Variants in SLC10A7 observed in about 807,000 individuals in gnomAD.
SLC10A7 encodes sodium/bile acid cotransporter 7.
Under a neutral mutation model 43.2 loss-of-function variants are expected in SLC10A7, and 29 were observed. That is an observed-to-expected ratio of 0.67 (90% confidence interval 0.50 to 0.92). The LOEUF (loss-of-function observed/expected upper bound fraction) is 0.92. Among genes scored for constraint, SLC10A7 ranks in the 40% least tolerant of loss-of-function variants. The pLI is 0.00. For synonymous variants in SLC10A7, 152 were observed against 144.8 expected (o/e 1.05, Z -0.35); for missense variants, 295 against 403.2 (o/e 0.73, Z 2.30).
Position 146,256,478 on chromosome 4 carries a change from T to C in SLC10A7, c.*13A>G. On this transcript the variant is annotated 3_prime_UTR_variant, in exon 12 of 12. Transcript: ENST00000335472. ...TACATATATACATTGCTACAGAAAGTCCACCTCCTTTGTTATACTGTCGGC... is the reference window on the plus strand; with the variant it reads ...TACATATATACATTGCTACAGAAAGCCCACCTCCTTTGTTATACTGTCGGC... The C allele has an allele frequency of 6.2e-7, 1 of 1,613,884 alleles. No individual in the cohort carries two copies. Among genetic ancestry groups the C allele is most frequent in the Non-Finnish European group, 8.5e-7 (1 of 1,179,754 alleles).
chr4:146,258,254 CT>C (rs5862756), intron 11 of SLC10A7, among the ~76,000 whole-genome samples: 3,322 of 152,128 alleles, frequency 0.022, 111 homozygotes, highest in African/African-American at 0.076. Flanking sequence ...TATTATATAT[CT>C]GGAAAATTAA....
At chr4:146,486,849 G>T (rs1346332537) in intron 4 of SLC10A7, among the ~76,000 whole-genome samples, 2 of 152,190 alleles carry the variant, frequency 1.3e-5, no homozygotes, top group East Asian at 1.9e-4. Context: ...GGACACACAG[G>T]CTTGGCCTGT....
At chr4:146,453,914 C>A (rs1730248803) in intron 4 of SLC10A7, among the ~76,000 whole-genome samples, 1 of 151,854 alleles carries the variant, frequency 6.6e-6, no homozygotes, top group Admixed American at 6.6e-5. Flanking sequence ...AGAGGAAGGG[C>A]AAAATCAATT....
intron 5 of SLC10A7, among the ~76,000 whole-genome samples, chr4:146,327,961 G>A (rs949544393): frequency 6.6e-6 from 1 of 152,170 alleles, no homozygotes; most frequent in African/African-American, 2.4e-5. Context: ...GCAGACCAGA[G>A]GTCAGGCCAG....
At position 146,269,909 on chromosome 4, in the gene SLC10A7, C is replaced by T. The variant is rs570520282; in HGVS notation, c.848-11072G>A. Among the ~76,000 whole-genome samples the T allele has an allele frequency of 5.3e-5, 8 of 152,310 alleles. No homozygotes were observed. The South Asian group carries it at 1.2e-3, about 24-fold the overall frequency. Reference sequence around the variant, plus strand: ...GTGAGTAGGCTGTGACCCAAATGCACATTAACGATTTTTAATATACATTTT... The same window carrying T: ...GTGAGTAGGCTGTGACCCAAATGCATATTAACGATTTTTAATATACATTTT... On this transcript the variant is annotated intron_variant, in intron 10 of 11. Transcript: ENST00000335472.
chr4:146,418,602 T>C (rs1446922393), intron 5 of SLC10A7, among the ~76,000 whole-genome samples: 1 of 152,176 alleles, frequency 6.6e-6, no homozygotes, highest in Non-Finnish European at 1.5e-5. Flanking sequence ...TTTAATTTAA[T>C]TTACCTGTGA....
intron 5 of SLC10A7, among the ~76,000 whole-genome samples, chr4:146,424,675 A>C (rs548114254): frequency 1.4e-4 from 22 of 152,008 alleles, no homozygotes; most frequent in Non-Finnish European, 2.5e-4. Context: ...AAAACAAAAA[A>C]AAAACAAAAA....
Position 146,442,313 on chromosome 4 carries a change from TCA to T in SLC10A7, c.435+468_435+469del, listed in dbSNP as rs370229971. ...TCATATCTTCCTTTCAAATTTTTTT[TCA>T]CATAGATTTCTCAGAAGCATCCAAG... On this transcript the variant is annotated intron_variant, in intron 5 of 11. Coordinates refer to ENST00000335472, the MANE Select transcript of SLC10A7 (RefSeq NM_001029998.6). 3.8e-5 allele frequency: 37 copies of T among 986,130 alleles called. No homozygotes were observed. In the African/African-American group the frequency reaches 6.1e-4, roughly 16 times the overall value. The allele number at this position is 986,130 out of a possible 1,614,324, so 61.1% of individuals were successfully genotyped here.
intron 4 of SLC10A7, among the ~76,000 whole-genome samples, chr4:146,484,664 G>A (rs973905960): frequency 3.9e-5 from 6 of 152,088 alleles, no homozygotes; most frequent in African/African-American, 7.2e-5. Context: ...TAATAAAATT[G>A]TGCCAGATAT....
intron 4 of SLC10A7, among the ~76,000 whole-genome samples, chr4:146,443,489 A>G (rs1412170156): frequency 6.6e-6 from 1 of 152,244 alleles, no homozygotes; most frequent in African/African-American, 2.4e-5. Context: ...TTGAATCACT[A>G]TATTCAATGA....
chr4:146,419,952 G>A (rs190443243), intron 5 of SLC10A7, among the ~76,000 whole-genome samples: 8 of 152,244 alleles, frequency 5.3e-5, no homozygotes, highest in Admixed American at 1.3e-4. Flanking sequence ...ATAAGACAAT[G>A]AGCTTTTTAA....
chr4:146,476,939 T>C (rs1734078249), intron 4 of SLC10A7, among the ~76,000 whole-genome samples: 1 of 90,222 alleles, frequency 1.1e-5, no homozygotes, highest in Non-Finnish European at 2.1e-5. Context: ...TAACAACAAA[T>C]TCTGCTCTGA....
At chr4:146,269,619 C>T (rs962531264) in intron 10 of SLC10A7, among the ~76,000 whole-genome samples, 2 of 152,196 alleles carry the variant, frequency 1.3e-5, no homozygotes, top group Admixed American at 6.5e-5. Flanking sequence ...GTCACCAACA[C>T]AGAACTGGCC....
chr4:146,485,317 T>C (rs912328414), intron 4 of SLC10A7, among the ~76,000 whole-genome samples: 7 of 152,246 alleles, frequency 4.6e-5, no homozygotes, highest in South Asian at 2.1e-4. Flanking sequence ...GTGATTCATT[T>C]TGAGGGGACT....
intron 5 of SLC10A7, among the ~76,000 whole-genome samples, chr4:146,407,612 G>T (rs1356217277): frequency 6.6e-6 from 1 of 152,190 alleles, no homozygotes; most frequent in Admixed American, 6.5e-5. Flanking sequence ...TTCAAATCCA[G>T]ATACAGCATA....
At chr4:146,445,619 A>T (rs1216136483) in intron 4 of SLC10A7, among the ~76,000 whole-genome samples, 2 of 151,838 alleles carry the variant, frequency 1.3e-5, no homozygotes, top group African/African-American at 4.8e-5. Context: ...AGCCTTTTAC[A>T]CTCTGCCCTC....
At chr4:146,275,906 G>C (rs1729176006) in intron 10 of SLC10A7, among the ~76,000 whole-genome samples, 1 of 151,892 alleles carries the variant, frequency 6.6e-6, no homozygotes. Flanking sequence ...CCTTGCATGA[G>C]AGGGTCCCTC....
chr4:146,354,271 G>C (rs1275475979), intron 5 of SLC10A7, among the ~76,000 whole-genome samples: 1 of 151,414 alleles, frequency 6.6e-6, no homozygotes, highest in African/African-American at 2.4e-5. Flanking sequence ...CAAATCATGA[G>C]TGAACTCCCA....
intron 5 of SLC10A7, among the ~76,000 whole-genome samples, chr4:146,358,600 T>C (rs1421431225): frequency 1.3e-5 from 2 of 152,172 alleles, no homozygotes; most frequent in African/African-American, 4.8e-5. Context: ...GAGTTTCATA[T>C]ACATGAAATC....
Sources: gnomAD v4.1 joint callset for allele counts (sites outside exome capture counted in the v4.1 genomes callset) on GRCh38, gnomAD v4.1.1 for gene constraint, MANE v1.5 for transcripts, NCBI Gene and HGNC (gene_info 2026-07-23, HGNC 2026-07-21) for gene names.